The following SLC30A8 variants were observed in gnomAD, a reference collection of about 807,000 sequenced individuals.
The protein encoded by SLC30A8 is solute carrier family 30 member 8.
SLC30A8 carries 27 observed loss-of-function variants against 36.9 expected under a neutral mutation model. That is an observed-to-expected ratio of 0.73 (90% CI 0.54 to 1.01). The LOEUF (loss-of-function observed/expected upper bound fraction) is 1.01, where lower values mean the gene tolerates loss of function less well. Ranked by LOEUF, SLC30A8 falls within the 50% of genes least tolerant of loss-of-function variation. The pLI, the probability that SLC30A8 is intolerant of heterozygous loss-of-function variation, is 0.00. For missense variants in SLC30A8, 439 were observed against 452.0 expected, an observed-to-expected ratio of 0.97 and a Z score of 0.26; for synonymous variants, 164 against 172.4, an observed-to-expected ratio of 0.95 and a Z score of 0.38.
chr8:117,109,832 C>T (rs1820147615), intron 2 of SLC30A8, among the ~76,000 whole-genome samples: 1 of 152,090 alleles, frequency 6.6e-6, no homozygotes, highest in Non-Finnish European at 1.5e-5. Context: ...GCTGAGAATT[C>T]AAAGAAGACA....
At chr8:117,132,622 T>G (rs965057098), upstream of SLC30A8, among the ~76,000 whole-genome samples, 8 of 152,048 alleles carry the variant, frequency 5.3e-5, no homozygotes, top group Non-Finnish European at 1.2e-4. Flanking sequence ...TTTCCAAATA[T>G]ATATTCTATG....
At chr8:117,050,992 C>A (rs1274330830) in intron 2 of SLC30A8, among the ~76,000 whole-genome samples, 1 of 152,144 alleles carries the variant, frequency 6.6e-6, no homozygotes, top group African/African-American at 2.4e-5. Flanking sequence ...TTTCTAATAA[C>A]CACTTGTGGT....
Position 117,146,996 on chromosome 8 carries a change from C to T in SLC30A8, c.114C>T (p.Pro38=). Residue 38 remains proline, a synonymous_variant, in exon 2 of 8, where the codon CCC becomes CCT. Transcript: ENST00000456015. ...AACCGGTGAATAAAGATCAGTGTCC[C>T]AGAGAGAGACCAGAGGAGCTGGAGT... ...QQKPVNKDQC[P]RERPEELESG... The T allele has an allele frequency of 6.2e-7, 1 of 1,613,964 alleles. No individual in the cohort carries two copies. Among genetic ancestry groups the T allele is most frequent in the Admixed American group, 1.7e-5 (1 of 60,008 alleles).
chr8:116,992,258 G>A (rs906264015), intron 1 of SLC30A8, among the ~76,000 whole-genome samples: 1 of 152,144 alleles, frequency 6.6e-6, no homozygotes, highest in East Asian at 1.9e-4. Flanking sequence ...GAATGTGAAA[G>A]TTAAAGTGAA....
At chr8:117,035,545 G>C (rs1337664437) in intron 1 of SLC30A8, among the ~76,000 whole-genome samples, 2 of 152,246 alleles carry the variant, frequency 1.3e-5, no homozygotes, top group African/African-American at 4.8e-5. Context: ...GGTGCAAGCT[G>C]TCAGTGGATC....
chr8:117,015,609 A>G (rs927951683), intron 1 of SLC30A8, among the ~76,000 whole-genome samples: 42 of 152,122 alleles, frequency 2.8e-4, no homozygotes, highest in African/African-American at 1.0e-3. Flanking sequence ...AGAAGGGGAC[A>G]TAGAATACAG....
intron 2 of SLC30A8, among the ~76,000 whole-genome samples, chr8:117,102,807 A>G (rs1040049400): frequency 6.6e-6 from 1 of 152,070 alleles, no homozygotes; most frequent in Non-Finnish European, 1.5e-5. Context: ...GCTCATCCCA[A>G]TACAATACAT....
chr8:116,980,053 A>G (rs1815201240), intron 1 of SLC30A8, among the ~76,000 whole-genome samples: 1 of 152,304 alleles, frequency 6.6e-6, no homozygotes, highest in African/African-American at 2.4e-5. Context: ...GGGAACGACT[A>G]TGGATGTGAT....
intron 2 of SLC30A8, among the ~76,000 whole-genome samples, chr8:117,050,422 T>C (rs1817673564): frequency 1.4e-5 from 2 of 142,752 alleles, no homozygotes; most frequent in South Asian, 2.2e-4. Context: ...TTTTTTTTTT[T>C]TGAGACACAG....
chr8:117,022,360 G>A (rs1816727074), intron 1 of SLC30A8, among the ~76,000 whole-genome samples: 1 of 152,012 alleles, frequency 6.6e-6, no homozygotes. Context: ...TTTATGTTAG[G>A]TACATGAAGA....
In SLC30A8 at chr8:117,018,978, A is replaced by G. The variant is rs182809196; in HGVS notation, c.-265-20241A>G. Among the ~76,000 whole-genome samples, 38 of 152,280 alleles carry G rather than the reference A, an allele frequency of 2.5e-4. 1 individual carries two copies. In the East Asian group the frequency reaches 6.9e-3, roughly 28 times the overall value. ...GCGCCCAGCCCACCTCTTGTTTCAT[A>G]TGAACTACCAGCTAAGCATTTTTTA... On this transcript the variant is annotated intron_variant, in intron 1 of 10. Transcript: ENST00000427715.
At chr8:117,148,481 G>T (rs1256969981) in intron 2 of SLC30A8, among the ~76,000 whole-genome samples, 1 of 152,046 alleles carries the variant, frequency 6.6e-6, no homozygotes, top group Non-Finnish European at 1.5e-5. Flanking sequence ...TATAATATCT[G>T]TTATTTCCTA....
At chr8:116,970,188 A>G (rs999740400) in intron 1 of SLC30A8, among the ~76,000 whole-genome samples, 1 of 152,178 alleles carries the variant, frequency 6.6e-6, no homozygotes, top group Non-Finnish European at 1.5e-5. Flanking sequence ...AAACCAAGAC[A>G]CAAACACATA....
intron 1 of SLC30A8, among the ~76,000 whole-genome samples, chr8:117,014,464 A>G (rs199850768): frequency 2.0e-5 from 3 of 152,312 alleles, no homozygotes; most frequent in East Asian, 1.9e-4. Flanking sequence ...TTCAATTGCC[A>G]TGAGTTAGCT....
intron 3 of SLC30A8, among the ~76,000 whole-genome samples, chr8:117,155,426 G>C (rs1390909424): frequency 6.6e-6 from 1 of 152,102 alleles, no homozygotes; most frequent in Non-Finnish European, 1.5e-5. Flanking sequence ...TCTTGGGCTT[G>C]GTCCTCATAA....
intron 1 of SLC30A8, among the ~76,000 whole-genome samples, chr8:116,994,397 T>C (rs1432495366): frequency 6.6e-6 from 1 of 152,062 alleles, no homozygotes; most frequent in Non-Finnish European, 1.5e-5. Flanking sequence ...AACCAGATGT[T>C]CAGGCAGTGT....
intron 1 of SLC30A8, among the ~76,000 whole-genome samples, chr8:116,954,036 G>A (rs988387054): frequency 6.6e-6 from 1 of 152,192 alleles, no homozygotes; most frequent in African/African-American, 2.4e-5. Flanking sequence ...TAGTGAGGAT[G>A]CAGAGAGTAG....
At chr8:117,134,337 G>C (rs1484302165), upstream of SLC30A8, among the ~76,000 whole-genome samples, 4 of 151,986 alleles carry the variant, frequency 2.6e-5, no homozygotes, top group Non-Finnish European at 5.9e-5. Flanking sequence ...CTACCGTTGT[G>C]TACATCTTTA....
chr8:117,010,330 C>A (rs1196411522), intron 1 of SLC30A8, among the ~76,000 whole-genome samples: 1 of 152,152 alleles, frequency 6.6e-6, no homozygotes, highest in Non-Finnish European at 1.5e-5. Flanking sequence ...GCAGACAAAG[C>A]TTCAGCCAGC....
Sources: allele counts gnomAD v4.1 joint callset (sites outside exome capture counted in the v4.1 genomes callset), GRCh38; gene constraint gnomAD v4.1.1; transcripts MANE v1.5; gene names NCBI Gene and HGNC (gene_info 2026-07-23, HGNC 2026-07-21).